TRDMT1: variants seen among roughly 807,000 people sequenced by gnomAD.
TRDMT1 encodes the protein tRNA (cytosine(38)-C(5))-methyltransferase.
TRDMT1 carries 49 observed loss-of-function variants against 51.2 expected under a neutral mutation model. The observed-to-expected ratio is 0.96, with a 90% CI of 0.76 to 1.21. TRDMT1 has a LOEUF of 1.21. TRDMT1 is among the 50% of genes most tolerant of loss of function. The pLI is 0.00. For synonymous variants in TRDMT1, 187 were observed against 164.6 expected (o/e 1.14, Z -1.04); for missense variants, 534 against 462.3 (o/e 1.16, Z -1.42).
At chr10:17,198,972 G>C (rs1845801677) in intron 1 of TRDMT1, among the ~76,000 whole-genome samples, 1 of 152,122 alleles carries the variant, frequency 6.6e-6, no homozygotes, top group Admixed American at 6.5e-5. Context: ...ATAGTTAAAA[G>C]GTCAGGTAGG....
At chr10:17,171,266 C>T (rs1260301396) in intron 2 of TRDMT1, among the ~76,000 whole-genome samples, 1 of 152,096 alleles carries the variant, frequency 6.6e-6, no homozygotes, top group African/African-American at 2.4e-5. Context: ...CTGCCAAGGC[C>T]TCCTTGTGTG....
chr10:17,165,133 C>A (rs1316465896), intron 3 of TRDMT1, among the ~76,000 whole-genome samples: 1 of 152,134 alleles, frequency 6.6e-6, no homozygotes, highest in Non-Finnish European at 1.5e-5. Flanking sequence ...TACAAGGCTA[C>A]AGTAACCAAA....
At chr10:17,189,285 G>A (rs1844370232) in intron 1 of TRDMT1, among the ~76,000 whole-genome samples, 1 of 152,080 alleles carries the variant, frequency 6.6e-6, no homozygotes, top group Non-Finnish European at 1.5e-5. Context: ...CAAGCGTTTT[G>A]AATTTACAGT....
intron 10 of TRDMT1, among the ~76,000 whole-genome samples, chr10:17,152,450 C>T (rs772802505): frequency 1.5e-4 from 23 of 152,286 alleles, no homozygotes; most frequent in Non-Finnish European, 2.6e-4. Flanking sequence ...ATTTGAAACA[C>T]GATCTATTAA....
In TRDMT1 at chr10:17,140,368, G is replaced by A. The variant is rs1402960634; in HGVS notation, c.*8672C>T. On this transcript the variant is annotated 3_prime_UTR_variant, in exon 11 of 11. Transcript: ENST00000377799. ...CATGCCCAGCACTTCTTTTCTTTTT[G>A]GCTGACAGAATTATTCAAACAATCC... 6.6e-6 allele frequency among the ~76,000 whole-genome samples: 1 copy of A among 151,502 alleles called. No individual in the cohort carries two copies. The highest frequency in any genetic ancestry group is 1.9e-4 in the East Asian group (1 of 5,166).
At chr10:17,194,949 C>CAAAAAAAAAAAAAAAAAAAGA (rs1157484978) in intron 1 of TRDMT1, among the ~76,000 whole-genome samples, 1 of 85,286 alleles carries the variant, frequency 1.2e-5, no homozygotes, top group African/African-American at 3.7e-5. Context: ...AAAAAAAAGT[C>CAAAAAAAAAAAAAAAAAAAGA]AAAAAAAAAA....
intron 1 of TRDMT1, among the ~76,000 whole-genome samples, chr10:17,191,022 G>A (rs1397600164): frequency 3.3e-5 from 5 of 152,194 alleles, no homozygotes; most frequent in Non-Finnish European, 7.3e-5. Flanking sequence ...GAGATGAGGG[G>A]ATGGGCCTGA....
At chr10:17,190,708 G>C (rs915918894) in intron 1 of TRDMT1, among the ~76,000 whole-genome samples, 1 of 152,152 alleles carries the variant, frequency 6.6e-6, no homozygotes, top group African/African-American at 2.4e-5. Context: ...ATCACAGAAG[G>C]ATGATATCTA....
chr10:17,137,411 G>C lies in TRDMT1; in HGVS notation c.*11629C>G, dbSNP rs1837445304. 6.6e-6 allele frequency: 1 copy of C among 152,202 alleles called. No homozygotes were observed. Among genetic ancestry groups the C allele is most frequent in the Non-Finnish European group, 1.5e-5 (1 of 68,048 alleles). 9.4% of individuals were successfully genotyped at this position (152,202 alleles called of 1,614,324 possible). A position where few individuals can be genotyped will look rare whatever the true frequency, so the allele number is the denominator to read the frequency against. On this transcript the variant is annotated 3_prime_UTR_variant, in exon 11 of 11. Coordinates refer to ENST00000377799, the MANE Select transcript of TRDMT1 (RefSeq NM_004412.7). Reference sequence around the variant, plus strand: ...CGTAATGTACAAATCTGGAGAGCCAGAGTTAGGCAACATTACAAAGACAAG... The same window carrying C: ...CGTAATGTACAAATCTGGAGAGCCACAGTTAGGCAACATTACAAAGACAAG...
At chr10:17,193,572 T>C (rs1344837009) in intron 1 of TRDMT1, among the ~76,000 whole-genome samples, 1 of 151,948 alleles carries the variant, frequency 6.6e-6, no homozygotes, top group Non-Finnish European at 1.5e-5. Context: ...ACAAAAAACA[T>C]ATAAAAATAC....
chr10:17,190,472 C>T (rs1844544013), intron 1 of TRDMT1, among the ~76,000 whole-genome samples: 1 of 150,174 alleles, frequency 6.7e-6, no homozygotes, highest in African/African-American at 2.4e-5. Context: ...ATTATTTTGG[C>T]CATAGCTCAC....
chr10:17,184,763 CTA>C lies in TRDMT1; in HGVS notation c.65-10105_65-10104del, dbSNP rs1460285037. 2.0e-5 allele frequency among the ~76,000 whole-genome samples: 3 copies of C among 152,298 alleles called. No homozygotes were observed. The East Asian group carries it at 5.8e-4, about 29-fold the overall frequency. ...TTCCCCTTTCCAAGTCTCCTCCTAACTATATCATTCTCTACAAATCTTTTTCC... is the reference window on the plus strand; with the variant it reads ...TTCCCCTTTCCAAGTCTCCTCCTAACTATCATTCTCTACAAATCTTTTTCC... On this transcript the variant is annotated intron_variant, in intron 1 of 10. Transcript: ENST00000377799.
Position 17,140,345 on chromosome 10 carries a change from T to C in TRDMT1, c.*8695A>G, listed in dbSNP as rs972846488. Reference sequence around the variant, plus strand: ...CTGGGATTACAGGTGTGAGGCACCATGCCCAGCACTTCTTTTCTTTTTGGC... The same window carrying C: ...CTGGGATTACAGGTGTGAGGCACCACGCCCAGCACTTCTTTTCTTTTTGGC... On this transcript the variant is annotated 3_prime_UTR_variant, in exon 11 of 11. Transcript: ENST00000377799. Among the ~76,000 whole-genome samples, 9 of 151,830 alleles carry C rather than the reference T, an allele frequency of 5.9e-5. No homozygotes were observed. The highest frequency in any genetic ancestry group is 1.2e-4 in the Non-Finnish European group (8 of 67,964).
intron 1 of TRDMT1, among the ~76,000 whole-genome samples, chr10:17,182,380 G>A (rs1294019304): frequency 6.6e-6 from 1 of 152,216 alleles, no homozygotes; most frequent in Admixed American, 6.5e-5. Context: ...TAGGAAACCA[G>A]TCTGAGCTAA....
At position 17,140,320 on chromosome 10, in the gene TRDMT1, C is replaced by T. The variant is rs961130356; in HGVS notation, c.*8720G>A. ...CCGTTCACTTCGACCTCCCAAAGTGCTGGGATTACAGGTGTGAGGCACCAT... is the reference window on the plus strand; with the variant it reads ...CCGTTCACTTCGACCTCCCAAAGTGTTGGGATTACAGGTGTGAGGCACCAT... On this transcript the variant is annotated 3_prime_UTR_variant, in exon 11 of 11. Coordinates refer to ENST00000377799, the MANE Select transcript of TRDMT1 (RefSeq NM_004412.7). 6.6e-6 allele frequency among the ~76,000 whole-genome samples: 1 copy of T among 151,266 alleles called. No homozygotes were observed. Among genetic ancestry groups the T allele is most frequent in the African/African-American group, 2.4e-5 (1 of 41,026 alleles).
Position 17,141,061 on chromosome 10 carries a change from C to T in TRDMT1, c.*7979G>A, listed in dbSNP as rs1449245466. 2.6e-5 allele frequency among the ~76,000 whole-genome samples: 4 copies of T among 152,204 alleles called. No individual in the cohort carries two copies. Among genetic ancestry groups the T allele is most frequent in the African/African-American group, 9.6e-5 (4 of 41,456 alleles). Reference sequence around the variant, plus strand: ...ATATAGAATTCATAGTTGACAATGCCACCTCCTTCTGGTCCTCATGGTTTT... The same window carrying T: ...ATATAGAATTCATAGTTGACAATGCTACCTCCTTCTGGTCCTCATGGTTTT... On this transcript the variant is annotated 3_prime_UTR_variant, in exon 11 of 11. Coordinates refer to ENST00000377799, the MANE Select transcript of TRDMT1 (RefSeq NM_004412.7).
At position 17,143,489 on chromosome 10, in the gene TRDMT1, A is replaced by T. The variant is rs1837848790; in HGVS notation, c.*5551T>A. On this transcript the variant is annotated 3_prime_UTR_variant, in exon 11 of 11. Coordinates refer to ENST00000377799, the MANE Select transcript of TRDMT1 (RefSeq NM_004412.7). ...CACATTCCATTCAGTGTTTTCAGTC[A>T]TTTTTTTCACATGTGAAATTTAACT... is the stretch of plus-strand genomic sequence containing the variant. 4.1e-6 allele frequency: 4 copies of T among 985,360 alleles called. No individual in the cohort carries two copies. The highest frequency in any genetic ancestry group is 4.8e-6 in the Non-Finnish European group (4 of 829,922). The allele number at this position is 985,360 out of a possible 1,614,324, so 61.0% of individuals were successfully genotyped here.
chr10:17,197,953 G>C (rs1485021739), intron 1 of TRDMT1, among the ~76,000 whole-genome samples: 2 of 151,936 alleles, frequency 1.3e-5, no homozygotes, highest in Non-Finnish European at 2.9e-5. Flanking sequence ...AAGATCGCTT[G>C]AACCCGGGAG....
chr10:17,150,433 C>T, intron 10 of TRDMT1: 1 of 985,318 alleles, frequency 1.0e-6, no homozygotes. Context: ...TCATATTGGA[C>T]TTCCATTTGC....
Sources: gnomAD v4.1 joint callset for allele counts (sites outside exome capture counted in the v4.1 genomes callset) on GRCh38, gnomAD v4.1.1 for gene constraint, MANE v1.5 for transcripts, NCBI Gene and HGNC (gene_info 2026-07-23, HGNC 2026-07-21) for gene names.